NFATC1: variants seen among roughly 807,000 people sequenced by gnomAD.
NFATC1 encodes the protein nuclear factor of activated T-cells, cytoplasmic 1.
NFATC1 carries 22 observed loss-of-function variants against 76.0 expected under a neutral mutation model. The ratio of observed to expected loss-of-function variants is 0.29; its 90% confidence interval spans 0.21 to 0.41. The LOEUF (loss-of-function observed/expected upper bound fraction) is 0.41. Ranked by LOEUF, NFATC1 falls within the 10% of genes least tolerant of loss-of-function variation. The pLI is 1.00. For synonymous variants in NFATC1, 704 were observed against 613.1 expected, an observed-to-expected ratio of 1.15 and a Z score of -2.19; for missense variants, 1,357 against 1,337.7, an observed-to-expected ratio of 1.01 and a Z score of -0.23.
At chr18:79,526,360 C>T (rs2090763991) in intron 9 of NFATC1, among the ~76,000 whole-genome samples, 1 of 152,260 alleles carries the variant, frequency 6.6e-6, no homozygotes, top group Admixed American at 6.5e-5. Flanking sequence ...AGTGCCAGGT[C>T]CCGTCTTGGG....
chr18:79,471,600 C>T (rs1020233491), intron 8 of NFATC1, among the ~76,000 whole-genome samples: 1 of 152,204 alleles, frequency 6.6e-6, no homozygotes, highest in Non-Finnish European at 1.5e-5. Flanking sequence ...CTGCTCCCGG[C>T]CCTAGGTCCC....
chr18:79,438,352 G>A (rs897493502), intron 3 of NFATC1, among the ~76,000 whole-genome samples: 2 of 152,218 alleles, frequency 1.3e-5, no homozygotes, highest in Non-Finnish European at 2.9e-5. Flanking sequence ...AGGGCCTTGA[G>A]AAGATGTCTT....
intron 8 of NFATC1, among the ~76,000 whole-genome samples, chr18:79,480,829 G>T (rs1192325444): frequency 6.6e-6 from 1 of 152,240 alleles, no homozygotes; most frequent in East Asian, 1.9e-4. Context: ...CTTCACAGAA[G>T]AGGCGCACTG....
intron 2 of NFATC1, chr18:79,422,147 A>T (rs1434458324): frequency 6.6e-6 from 1 of 152,226 alleles, no homozygotes; most frequent in Non-Finnish European, 1.5e-5. Flanking sequence ...CAAGCTGAGA[A>T]GATTGAGTGA....
intron 1 of NFATC1, among the ~76,000 whole-genome samples, chr18:79,402,762 C>A (rs1568912958): frequency 6.6e-6 from 1 of 152,192 alleles, no homozygotes; most frequent in Non-Finnish European, 1.5e-5. Flanking sequence ...GCTGTTTTCT[C>A]CTTTCTTTTT....
rs138468085 is a variant in NFATC1 at position 79,450,802 on chromosome 18, A to G, written c.1590-152A>G. 33 of 981,340 alleles carry G rather than the reference A, an allele frequency of 3.4e-5. No homozygotes were observed. The African/African-American group carries it at 4.7e-4, about 14-fold the overall frequency. The allele number at this position is 981,340 out of a possible 1,614,324, so 60.8% of individuals were successfully genotyped here. A position where few individuals can be genotyped will look rare whatever the true frequency, so the allele number is the denominator to read the frequency against. The stretch of plus-strand genomic sequence containing the variant: ...CAAGGGCCTCACGTCGCTGGCTTCA[A>G]GGTCTTGTTTTCCTTGGGGAAGGGG... On this transcript the variant is annotated intron_variant, in intron 4 of 9. Coordinates refer to ENST00000427363, the MANE Select transcript of NFATC1 (RefSeq NM_001278669.2).
chr18:79,406,630 TAATGTGGCGTTTTTGGCTAAGG>T (rs1380749756), intron 1 of NFATC1, among the ~76,000 whole-genome samples: 1 of 152,196 alleles, frequency 6.6e-6, no homozygotes, highest in East Asian at 1.9e-4. Flanking sequence ...CCGGTGTATG[TAATGTGGCGTTTTTGGCTAAGG>T]AATATCTTTT....
At chr18:79,436,112 TC>T (rs2086765091) in intron 3 of NFATC1, among the ~76,000 whole-genome samples, 1 of 152,322 alleles carries the variant, frequency 6.6e-6, no homozygotes, top group East Asian at 1.9e-4. Context: ...AATAGAAAGC[TC>T]TCAGTTGCCG....
intron 6 of NFATC1, among the ~76,000 whole-genome samples, chr18:79,453,781 A>G (rs1375653226): frequency 6.6e-6 from 1 of 152,230 alleles, no homozygotes; most frequent in East Asian, 1.9e-4. Flanking sequence ...TGATAATTTT[A>G]TTCTTTATAG....
chr18:79,522,162 T>G (rs112740707), intron 9 of NFATC1, among the ~76,000 whole-genome samples: 12,749 of 26,944 alleles, frequency 0.47, 2,953 homozygotes, highest in African/African-American at 0.62. Context: ...TGTGTGTGTG[T>G]GGGGGGGTAT....
intron 4 of NFATC1, 107 bp from the exon 5 acceptor site, chr18:79,450,847 C>A: frequency 1.4e-6 from 2 of 1,408,856 alleles, no homozygotes; most frequent in Non-Finnish European, 1.9e-6. Context: ...AGCTGCCTGG[C>A]ACGAGCTCGT....
intron 9 of NFATC1, among the ~76,000 whole-genome samples, chr18:79,512,689 C>T (rs979030842): frequency 2.0e-5 from 3 of 152,210 alleles, no homozygotes; most frequent in East Asian, 1.9e-4. Flanking sequence ...CACCTGGATG[C>T]GGCACCTGTG....
chr18:79,429,216 G>A (rs1252925601), intron 2 of NFATC1, among the ~76,000 whole-genome samples: 5 of 94,114 alleles, frequency 5.3e-5, no homozygotes, highest in South Asian at 3.1e-4. Context: ...GCGGGACTCC[G>A]TCTCAAAAAA....
chr18:79,410,052 G>A lies in NFATC1; in HGVS notation c.128-351G>A. 1 of 627,112 alleles carries A rather than the reference G, an allele frequency of 1.6e-6. No homozygotes were observed. The highest frequency in any genetic ancestry group is 3.0e-6 in the Non-Finnish European group (1 of 329,948). The allele number at this position is 627,112 out of a possible 1,614,324, so 38.8% of individuals were successfully genotyped here. A position where few individuals can be genotyped will look rare whatever the true frequency, so the allele number is the denominator to read the frequency against. On this transcript the variant is annotated intron_variant, in intron 1 of 9. Coordinates refer to ENST00000427363, the MANE Select transcript of NFATC1 (RefSeq NM_001278669.2). This position sits in a 1 kb window ranked among gnomAD's most constrained non-coding sequence, Gnocchi z 6.7. ...CGCCTCTCTCTGGGAAGGACGTTCG[G>A]ATGAAGATGGGGTGGTTGGGGAAGG...
chr18:79,464,682 G>GTGTGTA (rs1555911954), intron 7 of NFATC1, among the ~76,000 whole-genome samples: 8 of 100,790 alleles, frequency 7.9e-5, no homozygotes, highest in East Asian at 3.0e-4. Flanking sequence ...ATATGTATGT[G>GTGTGTA]TATATATATA....
intron 8 of NFATC1, among the ~76,000 whole-genome samples, chr18:79,481,417 T>G (rs993620287): frequency 6.6e-6 from 1 of 152,250 alleles, no homozygotes; most frequent in Non-Finnish European, 1.5e-5. Context: ...AGATATTCAA[T>G]TTTCTAATGT....
intron 9 of NFATC1, among the ~76,000 whole-genome samples, chr18:79,519,868 TG>T: frequency 6.6e-6 from 1 of 152,222 alleles, no homozygotes. Context: ...TCAGAGGCCC[TG>T]TTAGTCACAG....
At chr18:79,398,433 G>A (rs549146115) in intron 1 of NFATC1, among the ~76,000 whole-genome samples, 26 of 152,368 alleles carry the variant, frequency 1.7e-4, no homozygotes, top group Non-Finnish European at 3.2e-4. Flanking sequence ...ATGCGTCCAA[G>A]CTAAACATTT....
chr18:79,458,796 C>T (rs1419408797), intron 6 of NFATC1, among the ~76,000 whole-genome samples: 2 of 152,276 alleles, frequency 1.3e-5, no homozygotes, highest in Non-Finnish European at 1.5e-5. Context: ...GATGCTCTTG[C>T]CGGCGGGACG....
Sources: allele counts gnomAD v4.1 joint callset (sites outside exome capture counted in the v4.1 genomes callset), GRCh38; gene constraint gnomAD v4.1.1; non-coding constraint Gnocchi (gnomAD v3.1); transcripts MANE v1.5; gene names NCBI Gene and HGNC (gene_info 2026-07-23, HGNC 2026-07-21).